The following RAPGEF3 variants were observed in gnomAD, a reference collection of about 807,000 sequenced individuals.
RAPGEF3 encodes Rap guanine nucleotide exchange factor 3, also known as 9330170P05Rik.
A neutral mutation model predicts 129.8 loss-of-function variants in RAPGEF3; 103 were observed. The ratio of observed to expected loss-of-function variants is 0.79; its 90% confidence interval spans 0.68 to 0.93. The LOEUF (loss-of-function observed/expected upper bound fraction) is 0.93, where lower values mean the gene tolerates loss of function less well. Among genes scored for constraint, RAPGEF3 ranks in the 40% least tolerant of loss-of-function variants. The pLI is 0.00. For missense variants in RAPGEF3, 1,117 were observed against 1,207.4 expected, an observed-to-expected ratio of 0.93 and a Z score of 1.11; for synonymous variants, 436 against 482.6, an observed-to-expected ratio of 0.90 and a Z score of 1.26.
intron 18 of RAPGEF3, among the ~76,000 whole-genome samples, chr12:47,742,922 A>G (rs1326484330): frequency 2.0e-5 from 3 of 152,344 alleles, no homozygotes; most frequent in South Asian, 4.2e-4. Context: ...CTGATCCTCA[A>G]AAATGTTTGC....
chr12:47,749,017 G>T lies in RAPGEF3; in HGVS notation c.1042-86C>A. ...CTACCTCCTTCATTCCAGCCCCTGA[G>T]CCCCATGAGGGTCCCACAGGGACCC... On this transcript the variant is annotated intron_variant, in intron 10 of 27. Coordinates refer to ENST00000449771, the MANE Select transcript of RAPGEF3 (RefSeq NM_001098531.4). The surrounding 1 kb of genome is among the most constrained non-coding windows in gnomAD (Gnocchi z 4.5). 8.5e-7 allele frequency: 1 copy of T among 1,179,254 alleles called. No individual in the cohort carries two copies. Among genetic ancestry groups the T allele is most frequent in the Non-Finnish European group, 1.3e-6 (1 of 796,828 alleles). 73.0% of individuals were successfully genotyped at this position (1,179,254 alleles called of 1,614,324 possible).
rs1281467636 is a variant in RAPGEF3 at position 47,749,035 on chromosome 12, A to T, written c.1042-104T>A. ...CCCCTGAGCCCCATGAGGGTCCCAC[A>T]GGGACCCACAGCCCTTCTCCCACCT... On this transcript the variant is annotated intron_variant, in intron 10 of 27. Coordinates refer to ENST00000449771, the MANE Select transcript of RAPGEF3 (RefSeq NM_001098531.4). The surrounding 1 kb of genome is among the most constrained non-coding windows in gnomAD (Gnocchi z 4.5). 1.6e-5 allele frequency: 15 copies of T among 953,046 alleles called. No individual in the cohort carries two copies. Among genetic ancestry groups the T allele is most frequent in the South Asian group, 4.4e-5 (3 of 68,658 alleles). 59.0% of individuals were successfully genotyped at this position (953,046 alleles called of 1,614,324 possible). A position where few individuals can be genotyped will look rare whatever the true frequency, so the allele number is the denominator to read the frequency against.
chr12:47,737,981 A>T (rs985987046), intron 27 of RAPGEF3, 41 bp downstream of exon 27: 3 of 1,551,812 alleles, frequency 1.9e-6, no homozygotes, highest in Non-Finnish European at 2.7e-6. Context: ...AACTACCATA[A>T]GCACCCCCTC....
At position 47,740,805 on chromosome 12, in the gene RAPGEF3, C is replaced by T; in HGVS notation, c.2068G>A (p.Val690Met). 1.2e-6 allele frequency: 2 copies of T among 1,613,982 alleles called. No individual in the cohort carries two copies. Among genetic ancestry groups the T allele is most frequent in the Non-Finnish European group, 1.7e-6 (2 of 1,179,998 alleles). Residue 690 changes from valine (V) to methionine (M), a missense_variant, in exon 21 of 28, where the codon GTG becomes ATG. This residue lies in a region of RAPGEF3 where 643 missense variants were observed against 673.4 expected (regional missense o/e 0.95). Transcript: ENST00000449771. ...TCCCGCAGATGCTGGGGGCCCAGCACATAGTGGATCAGCTCCACCTGGGTG... is the reference window on the plus strand; with the variant it reads ...TCCCGCAGATGCTGGGGGCCCAGCATATAGTGGATCAGCTCCACCTGGGTG... ...SIHQVELIHY[V>M]LGPQHLRDVT... is the part of the protein sequence containing the mutation.
chr12:47,747,226 C>G (rs563014579), intron 15 of RAPGEF3, among the ~76,000 whole-genome samples: 23 of 152,236 alleles, frequency 1.5e-4, no homozygotes, highest in African/African-American at 4.6e-4. Context: ...AAGGTAAAGT[C>G]TAGGAAATGT....
Position 47,743,657 on chromosome 12 carries a change from C to T in RAPGEF3, c.1698G>A (p.Arg566=). ...GCAGGGTCAACACTGAGTGGTCTGG[C>T]CGGCAGATGTCATAGGGGACTGAAG... The part of the protein sequence containing the change: ...VGDKVPYDIC[R]PDHSVLTLQL... The change falls in exon 18 of 28, where the codon CGG becomes CGA. Residue 566 remains arginine (R), a synonymous_variant. Transcript: ENST00000449771. 1 of 1,609,998 alleles carries T rather than the reference C, an allele frequency of 6.2e-7. No individual in the cohort carries two copies. Among genetic ancestry groups the T allele is most frequent in the Non-Finnish European group, 8.5e-7 (1 of 1,176,662 alleles).
Position 47,758,805 on chromosome 12 carries a change from C to T in RAPGEF3, c.-249G>A. The T allele has an allele frequency of 8.1e-7, 1 of 1,234,890 alleles. No homozygotes were observed. Among genetic ancestry groups the T allele is most frequent in the Non-Finnish European group, 1.0e-6 (1 of 986,652 alleles). 76.5% of individuals were successfully genotyped at this position (1,234,890 alleles called of 1,614,324 possible). A position where few individuals can be genotyped will look rare whatever the true frequency, so the allele number is the denominator to read the frequency against. On this transcript the variant is annotated 5_prime_UTR_variant, in exon 1 of 28. Coordinates refer to ENST00000449771, the MANE Select transcript of RAPGEF3 (RefSeq NM_001098531.4). Reference sequence around the variant, plus strand: ...GGGGACGCCACCCAGCCACCGGCGACAGGGAGCCCCGAGCCTGCGCCTTCG... The same window carrying T: ...GGGGACGCCACCCAGCCACCGGCGATAGGGAGCCCCGAGCCTGCGCCTTCG...
chr12:47,746,606 A>C, intron 16 of RAPGEF3: 1 of 703,946 alleles, frequency 1.4e-6, no homozygotes, highest in Admixed American at 2.1e-5. Flanking sequence ...ATTACCTCCC[A>C]AAAGGAATAA....
intron 11 of RAPGEF3, 135 bp downstream of exon 11, chr12:47,748,684 A>C: frequency 9.9e-7 from 1 of 1,011,692 alleles, no homozygotes. Flanking sequence ...CTGGCTCAGC[A>C]GGCACATCCT....
chr12:47,739,614 G>A, intron 23 of RAPGEF3: 2 of 427,766 alleles, frequency 4.7e-6, no homozygotes, highest in Non-Finnish European at 8.8e-6. Context: ...CTATGCTGAT[G>A]AAGTACCTCT....
At chr12:47,740,045 G>C in intron 23 of RAPGEF3, 96 bp downstream of exon 23, 1 of 1,392,038 alleles carries the variant, frequency 7.2e-7, no homozygotes, top group East Asian at 2.5e-5. Flanking sequence ...GACGAGTAGA[G>C]GGGCTGCAGG....
At chr12:47,750,902 C>G in intron 6 of RAPGEF3, 146 bp downstream of exon 6, 1 of 1,151,618 alleles carries the variant, frequency 8.7e-7, no homozygotes, top group Non-Finnish European at 1.2e-6. Context: ...GAGTCCGTGG[C>G]AGTCAGCGCC....
intron 6 of RAPGEF3, among the ~76,000 whole-genome samples, chr12:47,750,765 T>C (rs1941694009): frequency 6.6e-6 from 1 of 152,198 alleles, no homozygotes. Flanking sequence ...CCACTTGCTT[T>C]CAGCCACAAC....
At chr12:47,748,227 G>A in intron 12 of RAPGEF3, 75 bp from the exon 13 acceptor site, 1 of 1,269,436 alleles carries the variant, frequency 7.9e-7, no homozygotes, top group Non-Finnish European at 1.1e-6. Context: ...TGGACAGCTG[G>A]AAGGACCCTT....
In RAPGEF3 at chr12:47,752,072, C is replaced by G. The variant is rs537853538; in HGVS notation, c.220-103G>C. On this transcript the variant is annotated intron_variant, in intron 2 of 27. Transcript: ENST00000449771. ...ACTCCCACTCTTGCCTAGGCCCCAA[C>G]CCCAAATGCATCCATGTGGCCACTC... 6 of 1,247,590 alleles carry G rather than the reference C, an allele frequency of 4.8e-6. No homozygotes were observed. The East Asian group carries it at 7.4e-5, about 15-fold the overall frequency. The allele number at this position is 1,247,590 out of a possible 1,614,324, so 77.3% of individuals were successfully genotyped here. A position where few individuals can be genotyped will look rare whatever the true frequency, so the allele number is the denominator to read the frequency against.
In RAPGEF3 at chr12:47,748,815, T is replaced by C. The variant is rs1419871890; in HGVS notation, c.1154+4A>G. 11 of 1,582,012 alleles carry C rather than the reference T, an allele frequency of 7.0e-6. No homozygotes were observed. The highest frequency in any genetic ancestry group is 9.6e-6 in the Non-Finnish European group (11 of 1,150,918). ...GTGGAGAGGGAGCATGGCAGGTGTA[T>C]TACCGGTTCCTGCCTGGGGTTGGGG... On this transcript the variant is annotated splice_donor_region_variant and intron_variant, in intron 11 of 27. Coordinates refer to ENST00000449771, the MANE Select transcript of RAPGEF3 (RefSeq NM_001098531.4).
At chr12:47,755,027 T>G (rs1941969233) in intron 2 of RAPGEF3, among the ~76,000 whole-genome samples, 1 of 152,210 alleles carries the variant, frequency 6.6e-6, no homozygotes, top group Admixed American at 6.5e-5. Context: ...AGCTAAGGTG[T>G]CAAGCTAGGG....
Position 47,746,573 on chromosome 12 carries a change from C to G in RAPGEF3, c.1596+287G>C, listed in dbSNP as rs560936185. The G allele has an allele frequency of 2.6e-5, 18 of 684,842 alleles. No homozygotes were observed. The East Asian group carries it at 5.0e-4, about 19-fold the overall frequency. The allele number at this position is 684,842 out of a possible 1,614,324, so 42.4% of individuals were successfully genotyped here. A position where few individuals can be genotyped will look rare whatever the true frequency, so the allele number is the denominator to read the frequency against. On this transcript the variant is annotated intron_variant, in intron 16 of 27. Coordinates refer to ENST00000449771, the MANE Select transcript of RAPGEF3 (RefSeq NM_001098531.4). ...AACTCCAGCCACCATTCCTCATCTC[C>G]CAGGCTCTACCTGTGGGCATGAATT... is the stretch of plus-strand genomic sequence containing the variant.
rs368294046 is a variant in RAPGEF3 at position 47,751,019 on chromosome 12, G to T, written c.671+29C>A. The T allele has an allele frequency of 6.3e-6, 10 of 1,587,490 alleles. No homozygotes were observed. In the African/African-American group the frequency reaches 1.2e-4, roughly 19 times the overall value. On this transcript the variant is annotated intron_variant, in intron 6 of 27. Transcript: ENST00000449771. ...AATCTGAGTGCTGTGTGAGGCCTGG[G>T]GTCACGGGGTGCAGGGATTCTGACT... is the stretch of plus-strand genomic sequence containing the variant.
Sources: gnomAD v4.1 joint callset for allele counts (sites outside exome capture counted in the v4.1 genomes callset) on GRCh38, gnomAD v4.1.1 for gene constraint, gnomAD v4.1.1 regional missense constraint, Gnocchi (gnomAD v3.1) non-coding constraint, MANE v1.5 for transcripts, NCBI Gene and HGNC (gene_info 2026-07-23, HGNC 2026-07-21) for gene names.